Variants in KAZN observed in about 807,000 individuals in gnomAD.
KAZN encodes the protein kazrin, periplakin interacting protein, also known as kazrin.
KAZN carries 40 observed loss-of-function variants against 87.4 expected under a neutral mutation model. The ratio of observed to expected loss-of-function variants is 0.46; its 90% CI spans 0.36 to 0.60. The LOEUF (loss-of-function observed/expected upper bound fraction) is 0.60. Ranked by LOEUF, KAZN falls within the 20% of genes least tolerant of loss-of-function variation. The pLI, the probability that KAZN is intolerant of heterozygous loss-of-function variation, is 0.00. For synonymous variants in KAZN, 466 were observed against 458.3 expected, an observed-to-expected ratio of 1.02 and a Z score of -0.22; for missense variants, 898 against 1,073.9, an observed-to-expected ratio of 0.84 and a Z score of 2.29.
At chr1:14,641,571 ACCACC>A (rs1680411754) in intron 1 of KAZN, among the ~76,000 whole-genome samples, 1 of 152,084 alleles carries the variant, frequency 6.6e-6, no homozygotes, top group African/African-American at 2.4e-5. Context: ...TCCAGCTGTC[ACCACC>A]CCACCCCCAA....
intron 2 of KAZN, among the ~76,000 whole-genome samples, chr1:14,348,132 C>T (rs975653262): frequency 4.7e-5 from 7 of 148,516 alleles, no homozygotes; most frequent in African/African-American, 1.7e-4. Flanking sequence ...CTCGCTGCAA[C>T]CTCCACCTCC....
At chr1:14,556,143 C>T (rs1269976132) in intron 2 of KAZN, among the ~76,000 whole-genome samples, 1 of 148,468 alleles carries the variant, frequency 6.7e-6, no homozygotes, top group Non-Finnish European at 1.5e-5. Flanking sequence ...CGGAGTCTCA[C>T]TCTGTCCCCA....
intron 2 of KAZN, among the ~76,000 whole-genome samples, chr1:15,026,819 C>CATAG (rs1487179665): frequency 6.6e-6 from 1 of 152,138 alleles, no homozygotes; most frequent in Non-Finnish European, 1.5e-5. Context: ...CAACTACTTA[C>CATAG]ATAGCATCTA....
chr1:14,058,461 C>A (rs879508565), intron 1 of KAZN, among the ~76,000 whole-genome samples: 39 of 152,162 alleles, frequency 2.6e-4, no homozygotes, highest in African/African-American at 5.6e-4. Flanking sequence ...AAGAAAAAAA[C>A]CCCTTAGATT....
At chr1:14,900,655 G>A (rs993981252) in intron 1 of KAZN, among the ~76,000 whole-genome samples, 1 of 151,756 alleles carries the variant, frequency 6.6e-6, no homozygotes, top group Non-Finnish European at 1.5e-5. Flanking sequence ...TCGGGAGGCT[G>A]AGGCAGGAGA....
chr1:14,007,259 T>C (rs1055281672), intron 1 of KAZN, among the ~76,000 whole-genome samples: 1 of 152,214 alleles, frequency 6.6e-6, no homozygotes, highest in African/African-American at 2.4e-5. Flanking sequence ...AGGTTTTCCA[T>C]ATATAGGATT....
chr1:14,433,031 T>G (rs968067159), intron 2 of KAZN, among the ~76,000 whole-genome samples: 1 of 151,860 alleles, frequency 6.6e-6, no homozygotes, highest in Non-Finnish European at 1.5e-5. Context: ...CACACACAAA[T>G]TATTCAGTCT....
chr1:14,007,231 G>A (rs528669638), intron 1 of KAZN, among the ~76,000 whole-genome samples: 13 of 152,192 alleles, frequency 8.5e-5, no homozygotes, highest in South Asian at 2.1e-4. Flanking sequence ...AAGTTCTTTC[G>A]TATATATGTA....
At chr1:14,712,039 C>T (rs569392589) in intron 1 of KAZN, among the ~76,000 whole-genome samples, 1 of 152,270 alleles carries the variant, frequency 6.6e-6, no homozygotes, top group South Asian at 2.1e-4. Flanking sequence ...AGCCAGAAAC[C>T]TGGAGCTTCA....
intron 2 of KAZN, among the ~76,000 whole-genome samples, chr1:14,573,593 G>A (rs1259641655): frequency 6.6e-6 from 1 of 152,162 alleles, no homozygotes; most frequent in Admixed American, 6.5e-5. Context: ...GTTGCAGTGA[G>A]CTGAGATCAT....
chr1:14,434,297 C>T (rs933329897), intron 2 of KAZN, among the ~76,000 whole-genome samples: 19 of 152,254 alleles, frequency 1.2e-4, no homozygotes, highest in Admixed American at 1.2e-3. Flanking sequence ...CTCATGCTGC[C>T]ACCTCCCTTA....
chr1:14,245,918 T>C (rs939886163), intron 2 of KAZN, among the ~76,000 whole-genome samples: 1 of 152,220 alleles, frequency 6.6e-6, no homozygotes, highest in Admixed American at 6.5e-5. Flanking sequence ...AGCAAAGATA[T>C]GGAATCAACC....
At chr1:15,011,764 C>T (rs1336426484) in intron 2 of KAZN, among the ~76,000 whole-genome samples, 1 of 152,142 alleles carries the variant, frequency 6.6e-6, no homozygotes, top group South Asian at 2.1e-4. Flanking sequence ...GCCATAAATC[C>T]CTCGAGAGCA....
In KAZN at chr1:14,457,932, C is replaced by A. The variant is rs138515516; in HGVS notation, c.250-141051C>A. Among the ~76,000 whole-genome samples the A allele has an allele frequency of 2.5e-3, 377 of 152,126 alleles. 2 individuals are homozygous for A. The highest frequency in any genetic ancestry group is 8.2e-3 in the African/African-American group (342 of 41,504). On this transcript the variant is annotated intron_variant, in intron 2 of 16. Coordinates refer to the KAZN transcript ENST00000636203. The stretch of plus-strand genomic sequence containing the variant: ...TCCCGTGTTCACGCCATTCTCCCGC[C>A]TCAGCCTCCCAAGTAGCTGGGACTA...
At chr1:13,908,406 G>C (rs1319366412) in intron 1 of KAZN, among the ~76,000 whole-genome samples, 1 of 150,826 alleles carries the variant, frequency 6.6e-6, no homozygotes, top group Non-Finnish European at 1.5e-5. Context: ...CTGAAGCTTG[G>C]CTCTTTGGCC....
intron 1 of KAZN, among the ~76,000 whole-genome samples, chr1:14,117,235 C>T (rs892950122): frequency 6.6e-6 from 1 of 152,128 alleles, no homozygotes; most frequent in African/African-American, 2.4e-5. Flanking sequence ...TGTCCCCATC[C>T]AAATCTCATC....
intron 2 of KAZN, among the ~76,000 whole-genome samples, chr1:14,439,693 G>A (rs193054842): frequency 5.7e-4 from 87 of 152,270 alleles, no homozygotes; most frequent in African/African-American, 2.0e-3. Context: ...AATGAAAATA[G>A]TCACATGAGG....
intron 1 of KAZN, among the ~76,000 whole-genome samples, chr1:14,781,149 C>T (rs933748680): frequency 7.2e-5 from 11 of 152,174 alleles, no homozygotes; most frequent in Admixed American, 2.6e-4. Context: ...GGTGAAACCC[C>T]GTCTCTACTA....
chr1:15,107,205 C>T (rs1641326079), intron 13 of KAZN, among the ~76,000 whole-genome samples: 1 of 152,198 alleles, frequency 6.6e-6, no homozygotes, highest in African/African-American at 2.4e-5. Flanking sequence ...TGTGAGCAGG[C>T]ACTTGGGTGA....
Sources: allele counts gnomAD v4.1 joint callset (sites outside exome capture counted in the v4.1 genomes callset), GRCh38; gene constraint gnomAD v4.1.1; transcripts MANE v1.5; gene names NCBI Gene and HGNC (gene_info 2026-07-23, HGNC 2026-07-21).